The following MACROD2 variants were observed in gnomAD, a reference collection of about 807,000 sequenced individuals.
MACROD2 encodes mono-ADP ribosylhydrolase 2.
Under a neutral mutation model 70.4 loss-of-function variants are expected in MACROD2, and 36 were observed. The observed-to-expected ratio is 0.51, with a 90% CI of 0.39 to 0.68. MACROD2 has a LOEUF of 0.68. Among genes scored for constraint, MACROD2 ranks in the 30% least tolerant of loss-of-function variants. MACROD2 has a pLI of 0.00. For missense variants in MACROD2, 496 were observed against 538.4 expected, an observed-to-expected ratio of 0.92 and a Z score of 0.78; for synonymous variants, 172 against 178.8, an observed-to-expected ratio of 0.96 and a Z score of 0.30.
intron 3 of MACROD2, among the ~76,000 whole-genome samples, chr20:14,256,017 C>G (rs1046981786): frequency 6.6e-6 from 1 of 151,490 alleles, no homozygotes; most frequent in Non-Finnish European, 1.5e-5. Context: ...TAGTTTTTTC[C>G]CATTTTGTCT....
intron 4 of MACROD2, among the ~76,000 whole-genome samples, chr20:14,602,495 A>G (rs185123626): frequency 6.6e-6 from 1 of 152,170 alleles, no homozygotes; most frequent in African/African-American, 2.4e-5. Context: ...AGCCACTGCT[A>G]TGTCCTCAGT....
chr20:15,142,536 AGTTCTAGGGTACAT>A lies in MACROD2; in HGVS notation c.419-87401_419-87388del, dbSNP rs1159975515. 4.6e-5 allele frequency among the ~76,000 whole-genome samples: 7 copies of A among 152,094 alleles called. No individual in the cohort carries two copies. The East Asian group carries it at 1.4e-3, about 29-fold the overall frequency. On this transcript the variant is annotated intron_variant, in intron 5 of 17. Coordinates refer to ENST00000684519, the MANE Select transcript of MACROD2 (RefSeq NM_001351661.2). ...TTTATTTTTTTATTATTATACTTTA[AGTTCTAGGGTACAT>A]GTGCACAACGTGCAGATTTGTTACA...
chr20:15,119,295 T>C (rs2076013959), intron 5 of MACROD2, among the ~76,000 whole-genome samples: 1 of 152,340 alleles, frequency 6.6e-6, no homozygotes, highest in African/African-American at 2.4e-5. Flanking sequence ...TTAAAGGTTT[T>C]TGTCAGCTTC....
At chr20:14,776,241 A>G (rs1244344529) in intron 5 of MACROD2, among the ~76,000 whole-genome samples, 1 of 152,054 alleles carries the variant, frequency 6.6e-6, no homozygotes, top group Non-Finnish European at 1.5e-5. Flanking sequence ...TTCGTAGTCC[A>G]AAGTCTGGAC....
At chr20:15,688,386 G>A (rs760504425) in intron 8 of MACROD2, among the ~76,000 whole-genome samples, 31 of 152,194 alleles carry the variant, frequency 2.0e-4, no homozygotes, top group Non-Finnish European at 4.3e-4. Context: ...GCATAGAAGC[G>A]TCAGTATTGG....
intron 6 of MACROD2, among the ~76,000 whole-genome samples, chr20:15,237,588 C>T (rs1027892623): frequency 3.3e-5 from 5 of 151,886 alleles, no homozygotes; most frequent in Non-Finnish European, 5.9e-5. Flanking sequence ...GTTGTGTGCA[C>T]GTGCTTTCTA....
At chr20:14,008,186 T>C (rs1220419007) in intron 2 of MACROD2, among the ~76,000 whole-genome samples, 3 of 152,158 alleles carry the variant, frequency 2.0e-5, no homozygotes, top group African/African-American at 7.2e-5. Context: ...CAAACTATTT[T>C]TGTTTGTAGA....
At chr20:15,374,110 A>C (rs1693732082) in intron 6 of MACROD2, among the ~76,000 whole-genome samples, 1 of 151,936 alleles carries the variant, frequency 6.6e-6, no homozygotes, top group Admixed American at 6.6e-5. Flanking sequence ...CTCATGGAAG[A>C]CTCTTGATAT....
At chr20:16,015,016 T>C (rs2066910963) in intron 15 of MACROD2, among the ~76,000 whole-genome samples, 1 of 152,016 alleles carries the variant, frequency 6.6e-6, no homozygotes, top group South Asian at 2.1e-4. Flanking sequence ...CAGTTTCCTC[T>C]TTTTTTTAAT....
chr20:15,295,681 A>C (rs1460267999), intron 6 of MACROD2, among the ~76,000 whole-genome samples: 1 of 151,928 alleles, frequency 6.6e-6, no homozygotes, highest in African/African-American at 2.4e-5. Context: ...CTTATAAAGT[A>C]CTTTAGCCAC....
chr20:14,056,214 T>C (rs948016079), intron 2 of MACROD2, among the ~76,000 whole-genome samples: 3 of 152,102 alleles, frequency 2.0e-5, no homozygotes, highest in African/African-American at 7.2e-5. Flanking sequence ...CACTTATGTA[T>C]AGAATTTTCT....
chr20:14,361,014 A>G (rs750171528), intron 3 of MACROD2, among the ~76,000 whole-genome samples: 5 of 152,228 alleles, frequency 3.3e-5, no homozygotes, highest in Non-Finnish European at 7.3e-5. Context: ...GTCAAAGACC[A>G]TAATAATACT....
intron 3 of MACROD2, among the ~76,000 whole-genome samples, chr20:14,221,507 G>GT (rs142177199): frequency 0.018 from 2,731 of 152,236 alleles, 80 homozygotes; most frequent in African/African-American, 0.06. Flanking sequence ...AGACTTAAAT[G>GT]TAAGACCTGA....
intron 6 of MACROD2, among the ~76,000 whole-genome samples, chr20:15,322,457 A>G (rs910448126): frequency 4.2e-5 from 6 of 143,914 alleles, no homozygotes; most frequent in African/African-American, 1.5e-4. Flanking sequence ...AAATAAGACA[A>G]AATTAATCAG....
intron 5 of MACROD2, among the ~76,000 whole-genome samples, chr20:15,083,008 C>T (rs1374238038): frequency 6.6e-6 from 1 of 152,140 alleles, no homozygotes; most frequent in East Asian, 1.9e-4. Context: ...TATTATCAGC[C>T]TTTTCTGGGG....
intron 2 of MACROD2, among the ~76,000 whole-genome samples, chr20:14,029,753 T>A (rs2053224073): frequency 6.6e-6 from 1 of 152,184 alleles, no homozygotes. Context: ...GTTTAATGTG[T>A]TTTTCTGACT....
chr20:14,946,232 A>G (rs1009786725), intron 5 of MACROD2, among the ~76,000 whole-genome samples: 1 of 152,112 alleles, frequency 6.6e-6, no homozygotes, highest in African/African-American at 2.4e-5. Flanking sequence ...CTGGAAACTC[A>G]GTGAATGTTG....
chr20:14,871,891 A>G (rs2073492393), intron 5 of MACROD2, among the ~76,000 whole-genome samples: 1 of 152,162 alleles, frequency 6.6e-6, no homozygotes, highest in African/African-American at 2.4e-5. Flanking sequence ...GACAAAATGG[A>G]CTTTAAACCA....
chr20:14,783,460 A>G (rs976179448), intron 5 of MACROD2, among the ~76,000 whole-genome samples: 2 of 152,150 alleles, frequency 1.3e-5, no homozygotes, highest in African/African-American at 4.8e-5. Context: ...TATTCTCCTC[A>G]TAATTTCACT....
Sources: allele counts gnomAD v4.1 joint callset (sites outside exome capture counted in the v4.1 genomes callset), GRCh38; gene constraint gnomAD v4.1.1; transcripts MANE v1.5; gene names NCBI Gene and HGNC (gene_info 2026-07-23, HGNC 2026-07-21).